Variants in RAPGEF5 observed in about 807,000 individuals in gnomAD.
RAPGEF5 encodes Rap guanine nucleotide exchange factor 5.
A neutral mutation model predicts 125.2 loss-of-function variants in RAPGEF5; 65 were observed. The observed-to-expected ratio is 0.52, with a 90% CI of 0.43 to 0.64. The LOEUF (loss-of-function observed/expected upper bound fraction) is 0.64, where lower values mean the gene tolerates loss of function less well. RAPGEF5 is among the 30% of genes least tolerant of loss of function. The probability of loss-of-function intolerance (pLI) is 0.00; values close to 1 mark genes in which losing one functional copy is unlikely to be tolerated. For missense variants in RAPGEF5, 958 were observed against 1,048.1 expected, an observed-to-expected ratio of 0.91 and a Z score of 1.19; for synonymous variants, 391 against 385.9, an observed-to-expected ratio of 1.01 and a Z score of -0.16.
chr7:22,193,901 A>C lies in RAPGEF5; in HGVS notation c.1115+14T>G. On this transcript the variant is annotated intron_variant, in intron 10 of 25. Coordinates refer to ENST00000665637, the MANE Select transcript of RAPGEF5 (RefSeq NM_012294.5). ...CGGGAGCGCGTGCCTCTGTGGCTGC[A>C]GGGAAACTCTCACCTCCAATGGCTC... 1 of 1,613,120 alleles carries C rather than the reference A, an allele frequency of 6.2e-7. No homozygotes were observed. Among genetic ancestry groups the C allele is most frequent in the Non-Finnish European group, 8.5e-7 (1 of 1,179,442 alleles).
At chr7:22,325,161 C>T (rs1262433930) in intron 1 of RAPGEF5, among the ~76,000 whole-genome samples, 4 of 152,174 alleles carry the variant, frequency 2.6e-5, no homozygotes, top group African/African-American at 9.7e-5. Flanking sequence ...ATCTCTTCCC[C>T]CAAACATTCT....
intron 1 of RAPGEF5, among the ~76,000 whole-genome samples, chr7:22,320,649 TG>T (rs1016155262): frequency 4.6e-5 from 7 of 152,176 alleles, no homozygotes; most frequent in Non-Finnish European, 7.3e-5. Flanking sequence ...TGGAATCCCT[TG>T]GTTTTGTTTT....
chr7:22,251,110 T>C (rs543104937), intron 7 of RAPGEF5, among the ~76,000 whole-genome samples: 1 of 152,312 alleles, frequency 6.6e-6, no homozygotes, highest in African/African-American at 2.4e-5. Flanking sequence ...CCATTAAAGT[T>C]TTCTGTTTAA....
intron 7 of RAPGEF5, among the ~76,000 whole-genome samples, chr7:22,244,390 G>A (rs530204265): frequency 1.3e-5 from 2 of 152,250 alleles, no homozygotes; most frequent in South Asian, 4.1e-4. Context: ...AGCGGTGGGT[G>A]AGTGAACATT....
intron 9 of RAPGEF5, among the ~76,000 whole-genome samples, chr7:22,199,810 T>C (rs1452931925): frequency 6.6e-6 from 1 of 152,088 alleles, no homozygotes; most frequent in Non-Finnish European, 1.5e-5. Context: ...GACTTTCCAC[T>C]AGTGGGTGAT....
intron 5 of RAPGEF5, among the ~76,000 whole-genome samples, chr7:22,302,606 C>A (rs111375639): frequency 0.013 from 2,013 of 152,256 alleles, 36 homozygotes; most frequent in African/African-American, 0.045. Flanking sequence ...CTGCCAAGGT[C>A]AAGGCGCCCA....
intron 3 of RAPGEF5, among the ~76,000 whole-genome samples, chr7:22,311,248 G>A (rs965584203): frequency 6.6e-6 from 1 of 152,068 alleles, no homozygotes; most frequent in Non-Finnish European, 1.5e-5. Context: ...AAACTCCTGA[G>A]CTCAAGTGAT....
Position 22,119,234 on chromosome 7 carries a change from A to AT in RAPGEF5, c.*3171_*3172insA, listed in dbSNP as rs1782505235. 1 of 152,176 alleles carries AT rather than the reference A, an allele frequency of 6.6e-6. No homozygotes were observed. Among genetic ancestry groups the AT allele is most frequent in the Non-Finnish European group, 1.5e-5 (1 of 68,042 alleles). 9.4% of individuals were successfully genotyped at this position (152,176 alleles called of 1,614,324 possible). A position where few individuals can be genotyped will look rare whatever the true frequency, so the allele number is the denominator to read the frequency against. ...CACGATTTCTCCTCCACTCAGAGGC[A>AT]AGTATATATTCATGCAGCATCCTCT... On this transcript the variant is annotated 3_prime_UTR_variant, in exon 26 of 26. Coordinates refer to ENST00000665637, the MANE Select transcript of RAPGEF5 (RefSeq NM_012294.5). This position sits in a 1 kb window ranked among gnomAD's most constrained non-coding sequence, Gnocchi z 4.1.
chr7:22,259,628 G>C (rs866429973), intron 7 of RAPGEF5, among the ~76,000 whole-genome samples: 30 of 152,286 alleles, frequency 2.0e-4, no homozygotes, highest in African/African-American at 6.5e-4. Flanking sequence ...GGATAAACTG[G>C]TTCATCCAGA....
intron 15 of RAPGEF5, 21 bp downstream of exon 15, chr7:22,157,834 G>T: frequency 1.2e-6 from 2 of 1,605,070 alleles, no homozygotes; most frequent in Non-Finnish European, 1.7e-6. Context: ...CCTAATTTTA[G>T]GTATAGAAGC....
rs745724181 is a variant in RAPGEF5 at position 22,150,458 on chromosome 7, G to A, written c.1833C>T (p.Leu611=). The A allele has an allele frequency of 9.3e-6, 15 of 1,608,100 alleles. No homozygotes were observed. Among genetic ancestry groups the A allele is most frequent in the East Asian group, 9.0e-5 (4 of 44,638 alleles). The change falls in exon 18 of 26, where the codon CTC becomes CTT. Residue 611 remains leucine, a synonymous_variant. Transcript: ENST00000665637. ...AGACATATATTCGACCAGATGCCTCGAGGGATTTGGAGATGACTAAGTCAT... is the reference window on the plus strand; with the variant it reads ...AGACATATATTCGACCAGATGCCTCAAGGGATTTGGAGATGACTAAGTCAT... ...QPNDLVISKS[L]EASGRIYVYR...
At chr7:22,319,520 A>C (rs544847389) in intron 1 of RAPGEF5, among the ~76,000 whole-genome samples, 11 of 152,344 alleles carry the variant, frequency 7.2e-5, no homozygotes, top group South Asian at 6.2e-4. Flanking sequence ...TAAATTTTAT[A>C]AGGTAGAGAG....
chr7:22,125,307 G>C, intron 25 of RAPGEF5: 1 of 299,412 alleles, frequency 3.3e-6, no homozygotes, highest in South Asian at 4.1e-5. Flanking sequence ...AGACACTGTG[G>C]GGACAGGAGT....
At chr7:22,140,394 A>T (rs10262247) in intron 20 of RAPGEF5, among the ~76,000 whole-genome samples, 6 of 152,096 alleles carry the variant, frequency 3.9e-5, no homozygotes, top group African/African-American at 1.2e-4. Flanking sequence ...GTGCATTTAC[A>T]ATTTCAACTG....
intron 20 of RAPGEF5, among the ~76,000 whole-genome samples, chr7:22,140,624 A>G (rs987657678): frequency 3.3e-5 from 5 of 152,316 alleles, no homozygotes; most frequent in Admixed American, 1.3e-4. Flanking sequence ...AATACGGCAT[A>G]TATTAATGGG....
At chr7:22,211,354 T>C (rs1785503516) in intron 9 of RAPGEF5, among the ~76,000 whole-genome samples, 1 of 152,234 alleles carries the variant, frequency 6.6e-6, no homozygotes, top group Admixed American at 6.5e-5. Context: ...AGCGAACATA[T>C]CTGCCTGCAT....
At chr7:22,249,112 G>A (rs1480431722) in intron 7 of RAPGEF5, among the ~76,000 whole-genome samples, 1 of 152,192 alleles carries the variant, frequency 6.6e-6, no homozygotes, top group Non-Finnish European at 1.5e-5. Context: ...AAGCCCTTGG[G>A]ACCTGCACAC....
At chr7:22,249,805 A>T (rs1786572439) in intron 7 of RAPGEF5, among the ~76,000 whole-genome samples, 1 of 152,146 alleles carries the variant, frequency 6.6e-6, no homozygotes. Flanking sequence ...TTTGAATGTG[A>T]TTGTCAAAGT....
At chr7:22,269,196 A>AG (rs1295098184) in intron 6 of RAPGEF5, among the ~76,000 whole-genome samples, 4 of 151,334 alleles carry the variant, frequency 2.6e-5, no homozygotes, top group African/African-American at 9.7e-5. Context: ...AAAAAAAAAA[A>AG]AAAAGAAACC....
Sources: allele counts gnomAD v4.1 joint callset (sites outside exome capture counted in the v4.1 genomes callset), GRCh38; gene constraint gnomAD v4.1.1; non-coding constraint Gnocchi (gnomAD v3.1); transcripts MANE v1.5; gene names NCBI Gene and HGNC (gene_info 2026-07-23, HGNC 2026-07-21).